The following LINGO1 variants were observed in gnomAD, a reference collection of about 807,000 sequenced individuals.
LINGO1 encodes leucine-rich repeat and immunoglobulin-like domain-containing nogo receptor-interacting protein 1.
Under a neutral mutation model 37.3 loss-of-function variants are expected in LINGO1, and 11 were observed. That is an observed-to-expected ratio of 0.29 (90% confidence interval 0.19 to 0.49). The LOEUF (loss-of-function observed/expected upper bound fraction) is 0.49. Ranked by LOEUF, LINGO1 falls within the 20% of genes least tolerant of loss-of-function variation. LINGO1 has a pLI of 0.99. For missense variants in LINGO1, 585 were observed against 878.2 expected (o/e 0.67, Z 4.22); for synonymous variants, 387 against 403.0 (o/e 0.96, Z 0.48).
intron 2 of LINGO1, among the ~76,000 whole-genome samples, chr15:77,729,473 G>C (rs2076134238): frequency 1.3e-5 from 2 of 152,186 alleles, no homozygotes; most frequent in Non-Finnish European, 2.9e-5. Flanking sequence ...ATCCAGAGCT[G>C]GGAGGGCTGG....
Position 77,726,652 on chromosome 15 carries a change from A to G in LINGO1, c.-195+8340T>C, listed in dbSNP as rs531750261. Reference sequence around the variant, plus strand: ...GAAACTATACCACTCCTAAAATAAAACATAGGGGAGAAGCTTCATGACATT... The same window carrying G: ...GAAACTATACCACTCCTAAAATAAAGCATAGGGGAGAAGCTTCATGACATT... On this transcript the variant is annotated intron_variant, in intron 2 of 3. Coordinates refer to the LINGO1 transcript ENST00000561686. Among the ~76,000 whole-genome samples the G allele has an allele frequency of 3.3e-5, 5 of 152,346 alleles. No individual in the cohort carries two copies. In the South Asian group the frequency reaches 1.0e-3, roughly 32 times the overall value.
intron 3 of LINGO1, chr15:77,647,815 C>G (rs1336256285): frequency 4.4e-6 from 2 of 455,826 alleles, no homozygotes; most frequent in Non-Finnish European, 8.8e-6. Flanking sequence ...TCATTGTTCC[C>G]TTTATTTTCT....
chr15:77,767,228 A>C (rs2076539262), intron 1 of LINGO1, among the ~76,000 whole-genome samples: 1 of 152,234 alleles, frequency 6.6e-6, no homozygotes, highest in Non-Finnish European at 1.5e-5. Flanking sequence ...AGTAGCTTGC[A>C]AAGAATCAAA....
chr15:77,780,677 G>A (rs80161746), intron 1 of LINGO1, among the ~76,000 whole-genome samples: 1,887 of 152,152 alleles, frequency 0.012, 34 homozygotes, highest in African/African-American at 0.043. Context: ...GGAGTAAGGA[G>A]GTAATTAAGG....
chr15:77,763,453 G>A (rs1161021599), intron 1 of LINGO1, among the ~76,000 whole-genome samples: 2 of 152,052 alleles, frequency 1.3e-5, no homozygotes, highest in Non-Finnish European at 1.5e-5. Flanking sequence ...TCTCAAAAAG[G>A]ACCTTTTACA....
chr15:77,778,522 T>C (rs1171821284), intron 1 of LINGO1, among the ~76,000 whole-genome samples: 1 of 152,230 alleles, frequency 6.6e-6, no homozygotes, highest in Non-Finnish European at 1.5e-5. Flanking sequence ...CAGCTGATTT[T>C]GCTGACTTCC....
At chr15:77,733,946 C>T (rs2076177944) in intron 2 of LINGO1, among the ~76,000 whole-genome samples, 3 of 152,368 alleles carry the variant, frequency 2.0e-5, no homozygotes, top group African/African-American at 7.2e-5. Flanking sequence ...TGAGCACCAA[C>T]TGTGTGCCAG....
chr15:77,818,862 T>TCCGCCCGCCAGACGGCCCGGCCCGCGCCC (rs1450703244), intron 1 of LINGO1, among the ~76,000 whole-genome samples: 19 of 150,710 alleles, frequency 1.3e-4, no homozygotes, highest in African/African-American at 4.6e-4. Context: ...GGCGCACCCC[T>TCCGCCCGCCAGACGGCCCGGCCCGCGCCC]CCGCCCGCCA....
At chr15:77,620,851 G>T (rs2142519693) in intron 1 of LINGO1, among the ~76,000 whole-genome samples, 1 of 152,254 alleles carries the variant, frequency 6.6e-6, no homozygotes, top group Non-Finnish European at 1.5e-5. Context: ...GAGATGGAAG[G>T]GGCCTGGGAT....
chr15:77,800,079 C>T (rs1051261377), intron 1 of LINGO1, among the ~76,000 whole-genome samples: 6 of 152,196 alleles, frequency 3.9e-5, no homozygotes, highest in African/African-American at 1.4e-4. Flanking sequence ...AAGAAGCTGT[C>T]TTGGAAGGCT....
chr15:77,646,093 C>T (rs1410459796), intron 3 of LINGO1, among the ~76,000 whole-genome samples: 1 of 152,214 alleles, frequency 6.6e-6, no homozygotes, highest in East Asian at 1.9e-4. Context: ...CAGCATGAGC[C>T]TGGTGGCGTG....
chr15:77,752,614 C>T (rs2076383003), intron 1 of LINGO1, among the ~76,000 whole-genome samples: 1 of 152,208 alleles, frequency 6.6e-6, no homozygotes, highest in African/African-American at 2.4e-5. Context: ...ACAACCACAG[C>T]TTATTGTCAC....
intron 3 of LINGO1, among the ~76,000 whole-genome samples, chr15:77,659,213 T>C (rs112564093): frequency 0.015 from 2,286 of 152,238 alleles, 27 homozygotes; most frequent in Middle Eastern, 0.034. Context: ...TGCTCTGGGC[T>C]GGTCATGGCT....
At chr15:77,726,930 C>T (rs2076108263) in intron 2 of LINGO1, among the ~76,000 whole-genome samples, 1 of 152,158 alleles carries the variant, frequency 6.6e-6, no homozygotes, top group South Asian at 2.1e-4. Flanking sequence ...TGGCAAAGGA[C>T]TTGAATAGAC....
At chr15:77,664,171 G>GTGTGTGCA (rs1491170228) in intron 3 of LINGO1, among the ~76,000 whole-genome samples, 2 of 88,258 alleles carry the variant, frequency 2.3e-5, no homozygotes, top group African/African-American at 1.1e-4. Context: ...GTGTGTGTGT[G>GTGTGTGCA]CGCGCGCGCA....
At chr15:77,774,782 G>C (rs542196994) in intron 1 of LINGO1, among the ~76,000 whole-genome samples, 31 of 152,044 alleles carry the variant, frequency 2.0e-4, no homozygotes, top group African/African-American at 6.3e-4. Context: ...TCCTGACCCT[G>C]GTCATGAGGT....
At chr15:77,804,256 C>T (rs948431327) in intron 1 of LINGO1, among the ~76,000 whole-genome samples, 1 of 152,188 alleles carries the variant, frequency 6.6e-6, no homozygotes. Context: ...GATCCAGAAG[C>T]ACCAGGCAGG....
At chr15:77,792,806 G>C (rs2076828488) in intron 2 of LINGO1, among the ~76,000 whole-genome samples, 1 of 152,230 alleles carries the variant, frequency 6.6e-6, no homozygotes, top group Admixed American at 6.5e-5. Flanking sequence ...AGAGAACAAT[G>C]CCTCATGTGT....
chr15:77,694,769 A>G (rs1334786668), intron 1 of LINGO1, among the ~76,000 whole-genome samples: 1 of 152,190 alleles, frequency 6.6e-6, no homozygotes, highest in African/African-American at 2.4e-5. Flanking sequence ...GGTCCCTCCC[A>G]CGAGGCGTCG....
Sources: gnomAD v4.1 joint callset for allele counts (sites outside exome capture counted in the v4.1 genomes callset) on GRCh38, gnomAD v4.1.1 for gene constraint, MANE v1.5 for transcripts, NCBI Gene and HGNC (gene_info 2026-07-23, HGNC 2026-07-21) for gene names.